Variants in CUL1 observed in about 807,000 individuals in gnomAD.
The protein encoded by CUL1 is cullin 1, also known as cullin-1.
In CUL1, 24 loss-of-function variants were observed where a neutral mutation model predicts 118.0. The ratio of observed to expected loss-of-function variants is 0.20; its 90% CI spans 0.15 to 0.29. The LOEUF (loss-of-function observed/expected upper bound fraction) is 0.29, where lower values mean the gene tolerates loss of function less well. Ranked by LOEUF, CUL1 falls within the 10% of genes least tolerant of loss-of-function variation. The probability of loss-of-function intolerance (pLI) is 1.00; values close to 1 mark genes in which losing one functional copy is unlikely to be tolerated. For missense variants in CUL1, 361 were observed against 933.8 expected, an observed-to-expected ratio of 0.39 and a Z score of 7.99; for synonymous variants, 332 against 340.4, an observed-to-expected ratio of 0.98 and a Z score of 0.27.
chr7:148,709,095 T>C lies in CUL1; in HGVS notation c.-162+10066T>C, dbSNP rs143904411. ...CTAGGATAGTGATTCCCTTAATAGT[T>C]ATAGGAAAAGTGATTCTAAAAAGCA... is the stretch of plus-strand genomic sequence containing the variant. On this transcript the variant is annotated intron_variant, in intron 1 of 21. Coordinates refer to ENST00000325222, the MANE Select transcript of CUL1 (RefSeq NM_003592.3). Among the ~76,000 whole-genome samples the C allele has an allele frequency of 4.1e-3, 627 of 152,304 alleles. 4 individuals carry two copies. Among genetic ancestry groups the C allele is most frequent in the African/African-American group, 0.014 (582 of 41,570 alleles).
At chr7:148,719,215 G>A (rs1163515765) in intron 1 of CUL1, among the ~76,000 whole-genome samples, 1 of 152,150 alleles carries the variant, frequency 6.6e-6, no homozygotes, top group Non-Finnish European at 1.5e-5. Context: ...GGAGGCTGAG[G>A]CAGGAGAATG....
At chr7:148,756,350 G>A (rs1241008594) in intron 3 of CUL1, among the ~76,000 whole-genome samples, 1 of 151,906 alleles carries the variant, frequency 6.6e-6, no homozygotes, top group African/African-American at 2.4e-5. Flanking sequence ...TTTTGGGAAG[G>A]GGTGCGGCGG....
intron 9 of CUL1, among the ~76,000 whole-genome samples, chr7:148,770,221 G>T (rs541263231): frequency 5.3e-5 from 8 of 152,196 alleles, no homozygotes; most frequent in Non-Finnish European, 1.0e-4. Context: ...TTTAACAGCA[G>T]TTACATTTTA....
intron 11 of CUL1, among the ~76,000 whole-genome samples, chr7:148,785,366 C>A (rs1563168728): frequency 6.8e-6 from 1 of 146,946 alleles, no homozygotes; most frequent in Non-Finnish European, 1.5e-5. Context: ...ACTTAGTGTC[C>A]TTTTTTTTTT....
At chr7:148,698,401 C>G (rs1797589311), upstream of CUL1, 1 of 152,274 alleles carries the variant, frequency 6.6e-6, no homozygotes, top group South Asian at 2.1e-4. Flanking sequence ...AGCTCAGCCC[C>G]GCTCGCGAGG....
chr7:148,723,251 G>A (rs550250128), intron 1 of CUL1, among the ~76,000 whole-genome samples: 1 of 152,242 alleles, frequency 6.6e-6, no homozygotes, highest in Non-Finnish European at 1.5e-5. Context: ...TGTTACTCAG[G>A]ACTCAGTTTG....
chr7:148,756,215 C>T (rs1160191449), intron 3 of CUL1, among the ~76,000 whole-genome samples: 2 of 151,918 alleles, frequency 1.3e-5, no homozygotes, highest in Non-Finnish European at 2.9e-5. Flanking sequence ...TTTTACAGAT[C>T]ACCACAAAAA....
chr7:148,704,383 A>G (rs1402225617), intron 1 of CUL1, among the ~76,000 whole-genome samples: 2 of 152,166 alleles, frequency 1.3e-5, no homozygotes, highest in South Asian at 2.1e-4. Context: ...GTGTAATTTA[A>G]TATGATTTTT....
chr7:148,772,446 T>C (rs1800246666), intron 9 of CUL1, among the ~76,000 whole-genome samples: 1 of 151,880 alleles, frequency 6.6e-6, no homozygotes, highest in South Asian at 2.1e-4. Context: ...ACCCACACAT[T>C]CAGTTTATGA....
chr7:148,779,542 T>G (rs1475730716), intron 9 of CUL1, among the ~76,000 whole-genome samples: 1 of 152,252 alleles, frequency 6.6e-6, no homozygotes, highest in Non-Finnish European at 1.5e-5. Flanking sequence ...CAGCCCATTC[T>G]AAGAACGAAG....
chr7:148,771,583 C>T (rs1037464621), intron 9 of CUL1, among the ~76,000 whole-genome samples: 40 of 152,240 alleles, frequency 2.6e-4, no homozygotes, highest in African/African-American at 9.4e-4. Flanking sequence ...GCGTTCTCTC[C>T]AGCCTTCAGA....
Position 148,719,931 on chromosome 7 carries a change from G to A in CUL1, c.-161-10031G>A, listed in dbSNP as rs554907415. Among the ~76,000 whole-genome samples the A allele has an allele frequency of 2.0e-5, 3 of 152,310 alleles. No homozygotes were observed. In the South Asian group the frequency reaches 6.2e-4, roughly 32 times the overall value. ...GGAATGAGAAACTCCTACCTTCTAA[G>A]GAAGCAGCATGGGTAACACCTCTGA... On this transcript the variant is annotated intron_variant, in intron 1 of 21. Coordinates refer to ENST00000325222, the MANE Select transcript of CUL1 (RefSeq NM_003592.3).
intron 2 of CUL1, among the ~76,000 whole-genome samples, chr7:148,749,246 G>A (rs1049379345): frequency 3.3e-5 from 5 of 151,390 alleles, no homozygotes; most frequent in Non-Finnish European, 7.4e-5. Flanking sequence ...GAGAAACCCC[G>A]TCTCTACTAA....
intron 5 of CUL1, 87 bp downstream of exon 5, chr7:148,759,441 A>G (rs1239261486): frequency 5.4e-6 from 8 of 1,471,280 alleles, no homozygotes; most frequent in Middle Eastern, 1.7e-4. Context: ...ACTCCTTCGG[A>G]TTATCCCATC....
intron 1 of CUL1, among the ~76,000 whole-genome samples, chr7:148,709,223 T>C (rs1014305765): frequency 1.3e-5 from 2 of 152,246 alleles, no homozygotes; most frequent in Admixed American, 6.5e-5. Flanking sequence ...TTACTGACAA[T>C]TGAGTACAGG....
intron 7 of CUL1, among the ~76,000 whole-genome samples, chr7:148,761,336 C>T (rs555088916): frequency 2.0e-5 from 3 of 152,122 alleles, no homozygotes; most frequent in Admixed American, 1.3e-4. Context: ...GGTGAAACCC[C>T]GTTTCTACTA....
At chr7:148,766,808 C>T (rs977084196) in intron 8 of CUL1, 85 bp downstream of exon 8, 51 of 1,149,792 alleles carry the variant, frequency 4.4e-5, no homozygotes, top group Admixed American at 7.0e-5. Context: ...CTCGAGTCAA[C>T]GGCATTACTT....
intron 1 of CUL1, among the ~76,000 whole-genome samples, chr7:148,718,800 A>G (rs887517077): frequency 6.6e-6 from 1 of 152,194 alleles, no homozygotes; most frequent in African/African-American, 2.4e-5. Context: ...ATGGTTTTTA[A>G]TGCCGCAGAT....
chr7:148,791,391 A>C (rs1477309065), intron 16 of CUL1, among the ~76,000 whole-genome samples: 4 of 152,254 alleles, frequency 2.6e-5, no homozygotes, highest in Non-Finnish European at 5.9e-5. Context: ...GTGACTTAAA[A>C]TTGTTAAAAT....
Sources: gnomAD v4.1 joint callset for allele counts (sites outside exome capture counted in the v4.1 genomes callset) on GRCh38, gnomAD v4.1.1 for gene constraint, MANE v1.5 for transcripts, NCBI Gene and HGNC (gene_info 2026-07-23, HGNC 2026-07-21) for gene names.